Variants in TTLL1 observed in about 807,000 individuals in gnomAD.
TTLL1 encodes the protein polyglutamylase complex subunit TTLL1.
In TTLL1, 33 loss-of-function variants were observed where a neutral mutation model predicts 47.8. The observed-to-expected ratio is 0.69, with a 90% CI of 0.52 to 0.92. The LOEUF is 0.92. Ranked by LOEUF, TTLL1 falls within the 40% of genes least tolerant of loss-of-function variation. The pLI, the probability that TTLL1 is intolerant of heterozygous loss-of-function variation, is 0.00. For missense variants in TTLL1, 488 were observed against 547.5 expected, an observed-to-expected ratio of 0.89 and a Z score of 1.08; for synonymous variants, 225 against 214.1, an observed-to-expected ratio of 1.05 and a Z score of -0.45.
chr22:43,041,738 AC>A (rs943907980), intron 10 of TTLL1, among the ~76,000 whole-genome samples: 3 of 151,862 alleles, frequency 2.0e-5, no homozygotes, highest in African/African-American at 7.3e-5. Context: ...CTGGCCTCGA[AC>A]CCCTGAGCTC....
rs1054113490 is a variant in TTLL1, at chr22:43,075,669, C to G, written c.-4-79G>C. 3.4e-5 allele frequency: 43 copies of G among 1,248,794 alleles called. No homozygotes were observed. The African/African-American group carries it at 4.3e-4, about 12-fold the overall frequency. 77.4% of individuals were successfully genotyped at this position (1,248,794 alleles called of 1,614,324 possible). ...TAAACCCAAGGAATCCTCTAAACAG[C>G]ATGCCCATCCCAAACTCGATCTTAC... is the stretch of plus-strand genomic sequence containing the variant. On this transcript the variant is annotated intron_variant, in intron 2 of 10. Transcript: ENST00000266254.
At chr22:43,076,099 T>A (rs1025190449) in intron 2 of TTLL1, among the ~76,000 whole-genome samples, 3 of 152,128 alleles carry the variant, frequency 2.0e-5, no homozygotes, top group Non-Finnish European at 4.4e-5. Context: ...CTGTCCCACA[T>A]CCCTCCAGGC....
chr22:43,083,540 C>T (rs535915281), intron 1 of TTLL1, among the ~76,000 whole-genome samples: 35 of 151,996 alleles, frequency 2.3e-4, no homozygotes, highest in East Asian at 5.8e-4. Context: ...CGAGGCCAGC[C>T]GGACCAACAG....
chr22:43,064,364 A>G, intron 5 of TTLL1, 40 bp from the exon 6 acceptor site: 1 of 1,592,782 alleles, frequency 6.3e-7, no homozygotes, highest in Non-Finnish European at 8.6e-7. Flanking sequence ...ATGGTAAAAG[A>G]TGCAATAACG....
chr22:43,073,347 ATTT>A (rs1928257180), intron 3 of TTLL1, among the ~76,000 whole-genome samples: 1 of 143,966 alleles, frequency 6.9e-6, no homozygotes, highest in Non-Finnish European at 1.5e-5. Flanking sequence ...TTATTTATTT[ATTT>A]ATTTATTTAT....
chr22:43,042,858 G>T (rs1292771754), intron 10 of TTLL1, among the ~76,000 whole-genome samples: 1 of 152,074 alleles, frequency 6.6e-6, no homozygotes, highest in Non-Finnish European at 1.5e-5. Flanking sequence ...GCCAGGAGAG[G>T]ACGGCTGGAT....
At chr22:43,077,652 C>T (rs1928596424) in intron 2 of TTLL1, among the ~76,000 whole-genome samples, 1 of 152,134 alleles carries the variant, frequency 6.6e-6, no homozygotes, top group African/African-American at 2.4e-5. Flanking sequence ...CTCTGGACCT[C>T]GGTCTGCTCT....
intron 5 of TTLL1, among the ~76,000 whole-genome samples, chr22:43,064,867 C>T (rs999987338): frequency 2.0e-5 from 3 of 151,468 alleles, no homozygotes; most frequent in African/African-American, 7.3e-5. Flanking sequence ...TGGATCTGGA[C>T]GAGCTTGGTG....
chr22:43,066,173 T>A (rs76295622), intron 5 of TTLL1, among the ~76,000 whole-genome samples: 16 of 119,960 alleles, frequency 1.3e-4, no homozygotes, highest in African/African-American at 3.7e-4. Flanking sequence ...AAAAAAAAAA[T>A]TAAAAAAAAA....
chr22:43,051,732 C>A (rs1926636799), intron 9 of TTLL1, 69 bp downstream of exon 9: 1 of 1,493,738 alleles, frequency 6.7e-7, no homozygotes, highest in Non-Finnish European at 9.3e-7. Flanking sequence ...ACTGCTGGGC[C>A]CGAATCGGGG....
intron 3 of TTLL1, among the ~76,000 whole-genome samples, chr22:43,074,541 G>C (rs1928357570): frequency 2.0e-5 from 3 of 150,566 alleles, no homozygotes; most frequent in African/African-American, 7.3e-5. Flanking sequence ...TTTTGCTGTT[G>C]TTGAGAATAG....
At chr22:43,085,734 G>C (rs931625179) in intron 1 of TTLL1, among the ~76,000 whole-genome samples, 1 of 152,182 alleles carries the variant, frequency 6.6e-6, no homozygotes, top group Non-Finnish European at 1.5e-5. Context: ...GCATTTTACA[G>C]ATGAGGAAAA....
chr22:43,048,580 G>A (rs5759114), intron 9 of TTLL1, among the ~76,000 whole-genome samples: 12,250 of 151,320 alleles, frequency 0.081, 870 homozygotes, highest in East Asian at 0.41. Context: ...TTCAAGTTGC[G>A]GCGAGCAATG....
At chr22:43,069,344 A>T (rs1414286560) in intron 4 of TTLL1, among the ~76,000 whole-genome samples, 1 of 149,206 alleles carries the variant, frequency 6.7e-6, no homozygotes, top group African/African-American at 2.5e-5. Flanking sequence ...GTGAGCTGAG[A>T]TCGCGCCACT....
chr22:43,085,218 C>T lies in TTLL1; in HGVS notation c.-90+4059G>A, dbSNP rs183515706. Reference sequence around the variant, plus strand: ...GTCTCCATCTCCTGACCTCGTGATCCGCCTGCCTCGGCCTCCCAAAGTGCT... The same window carrying T: ...GTCTCCATCTCCTGACCTCGTGATCTGCCTGCCTCGGCCTCCCAAAGTGCT... On this transcript the variant is annotated intron_variant, in intron 1 of 10. Transcript: ENST00000266254. Among the ~76,000 whole-genome samples the T allele has an allele frequency of 4.0e-3, 604 of 151,414 alleles. 1 individual carries two copies. Among genetic ancestry groups the T allele is most frequent in the Non-Finnish European group, 6.9e-3 (467 of 67,756 alleles).
intron 8 of TTLL1, among the ~76,000 whole-genome samples, chr22:43,052,675 G>C (rs1183376633): frequency 6.6e-6 from 1 of 152,132 alleles, no homozygotes; most frequent in Non-Finnish European, 1.5e-5. Context: ...GCCGTGAGGA[G>C]TGCTGGAGTG....
At chr22:43,048,934 C>T (rs369663544) in intron 9 of TTLL1, among the ~76,000 whole-genome samples, 1 of 151,458 alleles carries the variant, frequency 6.6e-6, no homozygotes, top group Non-Finnish European at 1.5e-5. Flanking sequence ...AGGACTCTGT[C>T]TCAAAAAAAT....
At chr22:43,043,245 C>T (rs1390681458) in intron 10 of TTLL1, among the ~76,000 whole-genome samples, 1 of 152,032 alleles carries the variant, frequency 6.6e-6, no homozygotes, top group Admixed American at 6.6e-5. Flanking sequence ...CCAGCCTGGC[C>T]TCTGCTTCTT....
chr22:43,067,787 C>T (rs752224371), intron 5 of TTLL1, among the ~76,000 whole-genome samples: 3 of 151,674 alleles, frequency 2.0e-5, no homozygotes, highest in Non-Finnish European at 2.9e-5. Context: ...GCCTGGCTAA[C>T]AGGGCAAAAC....
Sources: allele counts gnomAD v4.1 joint callset (sites outside exome capture counted in the v4.1 genomes callset), GRCh38; gene constraint gnomAD v4.1.1; transcripts MANE v1.5; gene names NCBI Gene and HGNC (gene_info 2026-07-23, HGNC 2026-07-21).